SVOP: variants seen among roughly 807,000 people sequenced by gnomAD.
SVOP encodes the protein synaptic vesicle 2-related protein.
In SVOP, 17 loss-of-function variants were observed where a neutral mutation model predicts 69.1. The observed-to-expected ratio is 0.25, with a 90% CI of 0.17 to 0.37. The LOEUF (loss-of-function observed/expected upper bound fraction) is 0.37. Among genes scored for constraint, SVOP ranks in the 10% least tolerant of loss-of-function variants. SVOP has a pLI of 1.00. For missense variants in SVOP, 435 were observed against 597.5 expected, an observed-to-expected ratio of 0.73 and a Z score of 2.84; for synonymous variants, 238 against 238.6, an observed-to-expected ratio of 1.00 and a Z score of 0.02.
At chr12:108,937,624 C>A (rs1157528218) in intron 9 of SVOP, among the ~76,000 whole-genome samples, 1 of 152,132 alleles carries the variant, frequency 6.6e-6, no homozygotes, top group African/African-American at 2.4e-5. Context: ...GCCCCTCAGA[C>A]CTCAGCACAG....
At chr12:108,966,449 C>T (rs548262292) in intron 5 of SVOP, among the ~76,000 whole-genome samples, 2 of 152,174 alleles carry the variant, frequency 1.3e-5, no homozygotes, top group South Asian at 4.2e-4. Flanking sequence ...GAATGCCCCA[C>T]AATATCATGC....
chr12:108,988,767 TCTC>T (rs2040180961), intron 1 of SVOP, among the ~76,000 whole-genome samples: 1 of 115,966 alleles, frequency 8.6e-6, no homozygotes, highest in Non-Finnish European at 1.7e-5. Flanking sequence ...ACTTCTTTTC[TCTC>T]TTTTTTTTTT....
At position 108,977,440 on chromosome 12, in the gene SVOP, G is replaced by A. The variant is rs554752726; in HGVS notation, c.339C>T (p.Cys113=). 3.6e-5 allele frequency: 56 copies of A among 1,537,204 alleles called. 1 individual carries two copies. In the East Asian group the frequency reaches 1.1e-3, roughly 31 times the overall value. ...CCTGCCAGCTTGGGAGCCTCCACTC[G>A]CAATGCAGCTGTGGTGCCAGGATGC... ...ILSILAPQLH[C]EWRLPSWQVA... is the part of the protein sequence containing the mutation. The change falls in exon 4 of 16, where the codon TGC becomes TGT. Residue 113 remains cysteine (C), a synonymous_variant. Transcript: ENST00000610966.
At chr12:109,019,148 G>A (rs1415702645) in intron 1 of SVOP, among the ~76,000 whole-genome samples, 4 of 152,174 alleles carry the variant, frequency 2.6e-5, no homozygotes, top group Non-Finnish European at 4.4e-5. Flanking sequence ...TAGAACTGGG[G>A]TTTGAAAAGA....
chr12:108,922,725 A>G lies in SVOP; in HGVS notation c.1121T>C (p.Met374Thr), dbSNP rs1232151497. Residue 374 changes from methionine (M) to threonine (T), a missense_variant, in exon 12 of 16, where the codon ATG becomes ACG. Physicochemically the swap from Met to Thr is moderately conservative, Grantham distance 81 (BLOSUM62 -1). Transcript: ENST00000610966. ...AGAGAGGGTGGTCCACAGCAAGTCC[A>G]TGTAATCCTCCTCACTCAGGTACTC... ...ACEYLSEEDYMDLLWTTLSEF... is the reference protein window; with the variant it reads ...ACEYLSEEDYTDLLWTTLSEF... 8 of 1,611,520 alleles carry G rather than the reference A, an allele frequency of 5.0e-6. No homozygotes were observed. Among genetic ancestry groups the G allele is most frequent in the Admixed American group, 1.7e-5 (1 of 59,740 alleles).
At chr12:108,950,183 C>T (rs1326546758) in intron 6 of SVOP, among the ~76,000 whole-genome samples, 4 of 151,062 alleles carry the variant, frequency 2.6e-5, no homozygotes, top group African/African-American at 9.7e-5. Flanking sequence ...CTGCCTCAGG[C>T]TCCCAAGTAG....
intron 11 of SVOP, among the ~76,000 whole-genome samples, chr12:108,933,280 A>C (rs993089366): frequency 3.3e-5 from 5 of 152,138 alleles, no homozygotes; most frequent in African/African-American, 1.2e-4. Flanking sequence ...TGGGGGCTGA[A>C]GTAGGAAGAT....
intron 11 of SVOP, among the ~76,000 whole-genome samples, chr12:108,927,911 T>A (rs575259277): frequency 1.6e-4 from 24 of 145,922 alleles, no homozygotes; most frequent in African/African-American, 6.0e-4. Context: ...AAAACTCTTT[T>A]TTTTTTTTTT....
chr12:108,946,690 TTTA>T (rs370752888), intron 6 of SVOP, among the ~76,000 whole-genome samples: 6,451 of 136,440 alleles, frequency 0.047, 170 homozygotes, highest in South Asian at 0.081. Context: ...GCAACCTGTT[TTTA>T]TTATTATTAT....
intron 9 of SVOP, among the ~76,000 whole-genome samples, chr12:108,938,002 G>C (rs1029829937): frequency 6.6e-6 from 1 of 152,090 alleles, no homozygotes; most frequent in Non-Finnish European, 1.5e-5. Flanking sequence ...CTCCCCAAAG[G>C]CAACCAAATA....
chr12:108,995,562 G>A (rs955930314), intron 1 of SVOP, among the ~76,000 whole-genome samples: 1 of 152,150 alleles, frequency 6.6e-6, no homozygotes, highest in Non-Finnish European at 1.5e-5. Flanking sequence ...AAATTCTGGA[G>A]ATGGATGATA....
intron 2 of SVOP, among the ~76,000 whole-genome samples, chr12:108,979,390 T>C (rs147471281): frequency 0.91 from 137,611 of 151,854 alleles, 62,564 homozygotes; most frequent in East Asian, 1. Context: ...CAGGCACATG[T>C]CACCATGCCC....
intron 1 of SVOP, among the ~76,000 whole-genome samples, chr12:109,011,562 G>C (rs1028315379): frequency 1.3e-5 from 2 of 152,166 alleles, no homozygotes; most frequent in African/African-American, 2.4e-5. Flanking sequence ...TCTCTATGCA[G>C]AGCTTCTCCC....
At chr12:108,928,538 G>T (rs1240897528) in intron 11 of SVOP, among the ~76,000 whole-genome samples, 2 of 151,050 alleles carry the variant, frequency 1.3e-5, no homozygotes, top group South Asian at 4.2e-4. Context: ...CACCCCTGAA[G>T]CAGGTCATAA....
chr12:109,013,390 A>T (rs1421481159), intron 1 of SVOP, among the ~76,000 whole-genome samples: 1 of 149,736 alleles, frequency 6.7e-6, no homozygotes, highest in African/African-American at 2.4e-5. Flanking sequence ...TACCGTCTTA[A>T]CCTTTTTTTT....
At chr12:108,956,315 A>AG (rs2039985752) in intron 6 of SVOP, among the ~76,000 whole-genome samples, 1 of 151,128 alleles carries the variant, frequency 6.6e-6, no homozygotes, top group Admixed American at 6.6e-5. Context: ...AAAAAAAAAA[A>AG]AGAATTAGCA....
chr12:108,969,185 A>T (rs1013453485), intron 5 of SVOP, among the ~76,000 whole-genome samples: 2 of 152,126 alleles, frequency 1.3e-5, no homozygotes, highest in Non-Finnish European at 2.9e-5. Context: ...CCATCAAAAC[A>T]AAAATGACTC....
chr12:108,972,731 C>A (rs1475097148), intron 4 of SVOP, among the ~76,000 whole-genome samples: 1 of 152,204 alleles, frequency 6.6e-6, no homozygotes, highest in African/African-American at 2.4e-5. Context: ...GCAGGACCAG[C>A]GTCACAGAGG....
chr12:108,959,065 G>T (rs2040001884), intron 6 of SVOP, among the ~76,000 whole-genome samples: 1 of 152,156 alleles, frequency 6.6e-6, no homozygotes, highest in Admixed American at 6.5e-5. Context: ...TGGTGCTCTT[G>T]CTCAATGCTG....
Sources: allele counts gnomAD v4.1 joint callset (sites outside exome capture counted in the v4.1 genomes callset), GRCh38; gene constraint gnomAD v4.1.1; transcripts MANE v1.5; gene names NCBI Gene and HGNC (gene_info 2026-07-23, HGNC 2026-07-21).